Variants in DOC2B observed in about 807,000 individuals in gnomAD.
The protein encoded by DOC2B is double C2 domain beta.
DOC2B carries 21 observed loss-of-function variants against 28.9 expected under a neutral mutation model. The ratio of observed to expected loss-of-function variants is 0.73; its 90% CI spans 0.52 to 1.05. The LOEUF (loss-of-function observed/expected upper bound fraction) is 1.05. Ranked by LOEUF, DOC2B falls within the 50% of genes least tolerant of loss-of-function variation. DOC2B has a pLI of 0.00. For synonymous variants in DOC2B, 194 were observed against 178.1 expected, an observed-to-expected ratio of 1.09 and a Z score of -0.71; for missense variants, 384 against 421.1, an observed-to-expected ratio of 0.91 and a Z score of 0.77.
intron 5 of DOC2B, among the ~76,000 whole-genome samples, chr17:157,581 C>A (rs1555522733): frequency 6.6e-6 from 1 of 152,174 alleles, no homozygotes; most frequent in Non-Finnish European, 1.5e-5. Flanking sequence ...CCTGCCTCAG[C>A]CTTCTGAGTA....
At position 181,456 on chromosome 17, in the gene DOC2B, C is replaced by T. The variant is rs757239970; in HGVS notation, c.24G>A (p.Glu8=). Residue 8 remains glutamate, a synonymous_variant, in exon 1 of 9, where the codon GAG becomes GAA. Transcript: ENST00000613549. The surrounding 1 kb of genome is among the most constrained non-coding windows in gnomAD (Gnocchi z 7.0). ...GCTCCTGGATGCTGATGGTCGCCTT[C>T]TCCCCGCGCCGCCGGAGGGTCATGC... MTLRRRG[E]KATISIQEHM... 1 of 1,135,008 alleles carries T rather than the reference C, an allele frequency of 8.8e-7. No individual in the cohort carries two copies. The highest frequency in any genetic ancestry group is 1.1e-6 in the Non-Finnish European group (1 of 914,840). The allele number at this position is 1,135,008 out of a possible 1,614,324, so 70.3% of individuals were successfully genotyped here. A position where few individuals can be genotyped will look rare whatever the true frequency, so the allele number is the denominator to read the frequency against.
At position 148,208 on chromosome 17, in the gene DOC2B, C is replaced by T; in HGVS notation, c.1067G>A (p.Trp356Ter). Residue 356 changes from tryptophan to a stop codon, truncating the protein, a stop_gained, in exon 8 of 9, where the codon TGG (tryptophan) becomes TAG (stop). Coordinates refer to ENST00000613549, the MANE Select transcript of DOC2B (RefSeq NM_003585.5). LOFTEE classifies it high-confidence loss of function. ...LAKKSLEVTVWDYDIGKSNDF... is the reference protein window; with the variant it reads ...LAKKSLEVTV ...GTTGGATTTTCCAATGTCGTAATCCCAAACGGTGACCTCCAGGGACTTCTT... is the reference window on the plus strand; with the variant it reads ...GTTGGATTTTCCAATGTCGTAATCCTAAACGGTGACCTCCAGGGACTTCTT... 1 of 398,662 alleles carries T rather than the reference C, an allele frequency of 2.5e-6. No homozygotes were observed. Among genetic ancestry groups the T allele is most frequent in the Middle Eastern group, 6.3e-4 (1 of 1,588 alleles). 24.7% of individuals were successfully genotyped at this position (398,662 alleles called of 1,614,324 possible).
chr17:149,376 A>G (rs1426035288), intron 6 of DOC2B, among the ~76,000 whole-genome samples, 184 bp from the exon 7 acceptor site: 3 of 152,082 alleles, frequency 2.0e-5, no homozygotes, highest in Non-Finnish European at 1.5e-5. Flanking sequence ...TTCGAGAAGC[A>G]AGTGGTCCCT....
chr17:156,619 C>A (rs2040139347), intron 5 of DOC2B, among the ~76,000 whole-genome samples: 2 of 152,236 alleles, frequency 1.3e-5, no homozygotes, highest in South Asian at 4.1e-4. Context: ...CTACGGTGGC[C>A]TTCACAGCCC....
intron 6 of DOC2B, among the ~76,000 whole-genome samples, chr17:152,483 G>A (rs2040083546): frequency 6.6e-6 from 1 of 152,148 alleles, no homozygotes; most frequent in African/African-American, 2.4e-5. Context: ...AAATAATGGT[G>A]CTAGCTGGGC....
chr17:150,494 A>AC (rs1198725665), intron 6 of DOC2B, among the ~76,000 whole-genome samples: 2 of 94,420 alleles, frequency 2.1e-5, no homozygotes, highest in Non-Finnish European at 4.7e-5. Context: ...GAAAGGCTGC[A>AC]TGGTTGACAC....
At chr17:149,569 T>C (rs2151457948) in intron 6 of DOC2B, among the ~76,000 whole-genome samples, 2 of 152,222 alleles carry the variant, frequency 1.3e-5, no homozygotes, top group South Asian at 4.1e-4. Context: ...TTTTTTTTTT[T>C]CAGATGGCTG....
chr17:149,320 A>C (rs1354648648), intron 6 of DOC2B, 128 bp from the exon 7 acceptor site: 1 of 397,332 alleles, frequency 2.5e-6, no homozygotes, highest in Non-Finnish European at 4.4e-6. Context: ...TGTCCTAATC[A>C]TTGGATTTTC....
chr17:162,493 T>C (rs1428651811), intron 3 of DOC2B, among the ~76,000 whole-genome samples: 1 of 152,018 alleles, frequency 6.6e-6, no homozygotes, highest in Non-Finnish European at 1.5e-5. Context: ...GGGCCCGCTG[T>C]GAAGGTGGAG....
Position 147,447 on chromosome 17 carries a change from G to T in DOC2B, c.1233C>A (p.Ser411Arg). The change falls in exon 9 of 9, where the codon AGC (serine) becomes AGA (arginine). Residue 411 changes from serine to arginine, a missense_variant. Physicochemically the swap from Ser to Arg is moderately radical, Grantham distance 110. Coordinates refer to ENST00000613549, the MANE Select transcript of DOC2B (RefSeq NM_003585.5). ...TAGCAGTGGCGGGTGGGCGTCAGTC[G>T]CTGAGCACAGCCCCTGGGAGCTCGC... ...LTSELPGAVL[S>R]D is the part of the protein sequence containing the mutation. The T allele has an allele frequency of 2.5e-6, 1 of 398,820 alleles. No homozygotes were observed. Among genetic ancestry groups the T allele is most frequent in the Non-Finnish European group, 4.4e-6 (1 of 226,192 alleles). 24.7% of individuals were successfully genotyped at this position (398,820 alleles called of 1,614,324 possible).
At position 147,205 on chromosome 17, in the gene DOC2B, G is replaced by C; in HGVS notation, c.*236C>G. The C allele has an allele frequency of 2.6e-6, 1 of 384,040 alleles. No homozygotes were observed. 23.8% of individuals were successfully genotyped at this position (384,040 alleles called of 1,614,324 possible). ...GGTGCTGAGGTCTCTTTCCACCACCGGCCTCTTGGGCCCCAGAGAGCTGAG... is the reference window on the plus strand; with the variant it reads ...GGTGCTGAGGTCTCTTTCCACCACCCGCCTCTTGGGCCCCAGAGAGCTGAG... On this transcript the variant is annotated 3_prime_UTR_variant, in exon 9 of 9. Transcript: ENST00000613549.
intron 1 of DOC2B, among the ~76,000 whole-genome samples, chr17:178,767 A>C (rs2040397978): frequency 6.6e-6 from 1 of 152,264 alleles, no homozygotes; most frequent in African/African-American, 2.4e-5. Context: ...CAACAGAGCA[A>C]CCGCCCTCAT....
intron 6 of DOC2B, 102 bp downstream of exon 6, chr17:156,118 C>T (rs971529272): frequency 7.5e-7 from 1 of 1,336,538 alleles, no homozygotes; most frequent in Non-Finnish European, 1.0e-6. Flanking sequence ...GTACCTCAGG[C>T]ACTCCCTGGG....
chr17:161,151 C>T (rs905135524), intron 5 of DOC2B, among the ~76,000 whole-genome samples: 1 of 152,170 alleles, frequency 6.6e-6, no homozygotes, highest in Non-Finnish European at 1.5e-5. Context: ...CCCTCTTCTT[C>T]AAGCCATCCT....
intron 5 of DOC2B, among the ~76,000 whole-genome samples, chr17:158,413 CAA>C (rs2040161037): frequency 6.6e-6 from 1 of 152,168 alleles, no homozygotes; most frequent in Non-Finnish European, 1.5e-5. Context: ...TGCCTAACAC[CAA>C]AGTGAGTCCC....
At chr17:147,758 CTG>C (rs2040031737) in intron 8 of DOC2B, among the ~76,000 whole-genome samples, 181 bp from the exon 9 acceptor site, 1 of 152,364 alleles carries the variant, frequency 6.6e-6, no homozygotes, top group South Asian at 2.1e-4. Flanking sequence ...CCCAGCCATC[CTG>C]TCTCTCTTCC....
intron 6 of DOC2B, among the ~76,000 whole-genome samples, chr17:155,789 C>T (rs2040127504): frequency 6.6e-6 from 1 of 152,210 alleles, no homozygotes; most frequent in Admixed American, 6.5e-5. Flanking sequence ...CTCTTATCCG[C>T]ATCTGTAGCA....
rs2040015644 is a variant in DOC2B at position 146,007 on chromosome 17, CAGAG to C, written c.*1430_*1433del. The C allele has an allele frequency of 6.6e-6, 1 of 152,368 alleles. No individual in the cohort carries two copies. The highest frequency in any genetic ancestry group is 2.4e-5 in the African/African-American group (1 of 41,462). The allele number at this position is 152,368 out of a possible 1,614,324, so 9.4% of individuals were successfully genotyped here. ...GCGTTCCTGAGGGGCCCTTGGTAGG[CAGAG>C]AAAGTTTGTGGGCTTCAGGCATGGG... is the stretch of plus-strand genomic sequence containing the variant. On this transcript the variant is annotated 3_prime_UTR_variant, in exon 9 of 9. Transcript: ENST00000613549.
At chr17:170,611 C>T (rs1399783322) in intron 2 of DOC2B, among the ~76,000 whole-genome samples, 1 of 152,188 alleles carries the variant, frequency 6.6e-6, no homozygotes, top group Non-Finnish European at 1.5e-5. Context: ...GGAGACTCTA[C>T]TGGCCATGCA....
Sources: gnomAD v4.1 joint callset for allele counts (sites outside exome capture counted in the v4.1 genomes callset) on GRCh38, gnomAD v4.1.1 for gene constraint, Gnocchi (gnomAD v3.1) non-coding constraint, MANE v1.5 for transcripts, NCBI Gene and HGNC (gene_info 2026-07-23, HGNC 2026-07-21) for gene names.